The following ASIC2 variants were observed in gnomAD, a reference collection of about 807,000 sequenced individuals.
ASIC2 encodes the protein acid sensing ion channel subunit 2.
Under a neutral mutation model 57.3 loss-of-function variants are expected in ASIC2, and 25 were observed. The observed-to-expected ratio is 0.44, with a 90% CI of 0.32 to 0.61. The LOEUF (loss-of-function observed/expected upper bound fraction) is 0.61. Ranked by LOEUF, ASIC2 falls within the 20% of genes least tolerant of loss-of-function variation. The probability of loss-of-function intolerance (pLI) is 0.06; values close to 1 mark genes in which losing one functional copy is unlikely to be tolerated. For synonymous variants in ASIC2, 319 were observed against 307.5 expected, an observed-to-expected ratio of 1.04 and a Z score of -0.39; for missense variants, 641 against 738.1, an observed-to-expected ratio of 0.87 and a Z score of 1.52.
In ASIC2 at chr17:33,927,579, C is replaced by T. The variant is rs77027219; in HGVS notation, c.555+228399G>A. On this transcript the variant is annotated intron_variant, in intron 1 of 9. Coordinates refer to the ASIC2 transcript ENST00000359872. ...CCTTGATCCTGGGCTTCCCAGCCTT[C>T]GGGACTGTGAGCAATACATTTCTAC... Among the ~76,000 whole-genome samples, 1,006 of 152,284 alleles carry T rather than the reference C, an allele frequency of 6.6e-3. 16 individuals carry two copies. Among genetic ancestry groups the T allele is most frequent in the African/African-American group, 0.022 (926 of 41,544 alleles).
intron 1 of ASIC2, among the ~76,000 whole-genome samples, chr17:34,063,146 C>A (rs1909033016): frequency 6.6e-6 from 1 of 152,180 alleles, no homozygotes; most frequent in South Asian, 2.1e-4. Flanking sequence ...CTGACTCCAA[C>A]AACATACCAA....
chr17:33,158,910 T>G (rs1363150457), intron 1 of ASIC2, among the ~76,000 whole-genome samples: 1 of 152,224 alleles, frequency 6.6e-6, no homozygotes, highest in Non-Finnish European at 1.5e-5. Context: ...GGAATTCATG[T>G]GTTGCTGGAG....
intron 2 of ASIC2, among the ~76,000 whole-genome samples, chr17:33,098,574 T>A (rs2092194284): frequency 6.6e-6 from 1 of 152,184 alleles, no homozygotes; most frequent in African/African-American, 2.4e-5. Flanking sequence ...TTCTTACCAA[T>A]GGCTGGTGAT....
chr17:33,613,633 C>T (rs1905494382), intron 1 of ASIC2, among the ~76,000 whole-genome samples: 1 of 152,276 alleles, frequency 6.6e-6, no homozygotes, highest in South Asian at 2.1e-4. Context: ...TCTCAAAGTG[C>T]TGGGATTACA....
intron 1 of ASIC2, among the ~76,000 whole-genome samples, chr17:33,337,112 A>G (rs536246125): frequency 6.6e-6 from 1 of 152,236 alleles, no homozygotes; most frequent in Non-Finnish European, 1.5e-5. Flanking sequence ...CTTGGAGATA[A>G]GTGGCCCCAG....
At chr17:33,248,619 C>T (rs1360689791) in intron 1 of ASIC2, among the ~76,000 whole-genome samples, 4 of 152,202 alleles carry the variant, frequency 2.6e-5, no homozygotes, top group African/African-American at 9.6e-5. Flanking sequence ...AGCAGGTCCA[C>T]ACACCCTCTG....
intron 1 of ASIC2, among the ~76,000 whole-genome samples, chr17:34,067,383 T>A (rs1002806550): frequency 5.3e-5 from 8 of 152,202 alleles, no homozygotes; most frequent in Admixed American, 1.3e-4. Context: ...CAAATTTTTT[T>A]AAAAATGGAA....
chr17:33,898,319 TC>T (rs1915154518), intron 1 of ASIC2, among the ~76,000 whole-genome samples: 1 of 135,396 alleles, frequency 7.4e-6, no homozygotes, highest in Non-Finnish European at 1.5e-5. Flanking sequence ...CACTGCAACC[TC>T]CGCCTCCCAG....
At chr17:33,547,225 T>C (rs1915606156) in intron 1 of ASIC2, among the ~76,000 whole-genome samples, 1 of 151,924 alleles carries the variant, frequency 6.6e-6, no homozygotes, top group Non-Finnish European at 1.5e-5. Flanking sequence ...GGAAAGGGCC[T>C]GGGTACCTAA....
At chr17:33,102,268 C>T (rs1052835032) in intron 2 of ASIC2, among the ~76,000 whole-genome samples, 4 of 152,202 alleles carry the variant, frequency 2.6e-5, no homozygotes, top group Admixed American at 1.3e-4. Flanking sequence ...GAAAAGAAAG[C>T]GTCCCCCTCC....
chr17:33,870,225 T>G (rs1392268639), intron 1 of ASIC2, among the ~76,000 whole-genome samples: 1 of 15,320 alleles, frequency 6.5e-5, no homozygotes, highest in Non-Finnish European at 1.1e-4. Flanking sequence ...AGAAATTCTG[T>G]TTTTTTTTTT....
intron 3 of ASIC2, among the ~76,000 whole-genome samples, chr17:33,070,841 T>C (rs114793652): frequency 6.6e-6 from 1 of 150,832 alleles, no homozygotes; most frequent in South Asian, 2.1e-4. Flanking sequence ...AGAAGACTTA[T>C]TTTGCTTAAT....
At chr17:33,521,521 GTC>G (rs1208136310) in intron 1 of ASIC2, among the ~76,000 whole-genome samples, 2 of 152,206 alleles carry the variant, frequency 1.3e-5, no homozygotes, top group Admixed American at 6.5e-5. Context: ...CAAGGAGTCA[GTC>G]TCTCCCAGTG....
rs573153896 is a variant in ASIC2, at chr17:33,485,910, A to G, written c.556-373843T>C. ...GACCAGACTTGAGCCTTCCCAGTTC[A>G]TGCTCAGAACTGGCCCTGCTCTGTC... On this transcript the variant is annotated intron_variant, in intron 1 of 9. Coordinates refer to the ASIC2 transcript ENST00000359872. Among the ~76,000 whole-genome samples, 75 of 152,332 alleles carry G rather than the reference A, an allele frequency of 4.9e-4. 1 individual carries two copies. The highest frequency in any genetic ancestry group is 3.4e-3 in the Middle Eastern group (1 of 294).
At chr17:33,395,252 A>G (rs551873174) in intron 1 of ASIC2, among the ~76,000 whole-genome samples, 1 of 151,448 alleles carries the variant, frequency 6.6e-6, no homozygotes, top group Non-Finnish European at 1.5e-5. Flanking sequence ...GTATTAGTCC[A>G]TTTTCACACT....
intron 1 of ASIC2, among the ~76,000 whole-genome samples, chr17:34,089,349 T>C (rs78985622): frequency 0.017 from 2,502 of 147,492 alleles, 71 homozygotes; most frequent in East Asian, 0.059. Flanking sequence ...AAAAATGCAA[T>C]GCCTTGTTAG....
At position 33,855,425 on chromosome 17, in the gene ASIC2, G is replaced by C. The variant is rs74964946; in HGVS notation, c.555+300553C>G. ...TTCCCCAAGTCCCACATAAATTCAG[G>C]TATAGTAATATTATAAACCCCATAT... On this transcript the variant is annotated intron_variant, in intron 1 of 9. Transcript: ENST00000359872. Among the ~76,000 whole-genome samples the C allele has an allele frequency of 7.1e-3, 1,087 of 152,212 alleles. 11 individuals are homozygous for C. The highest frequency in any genetic ancestry group is 0.025 in the African/African-American group (1,030 of 41,518).
intron 1 of ASIC2, among the ~76,000 whole-genome samples, chr17:33,731,953 A>G (rs1164600473): frequency 1.3e-5 from 2 of 152,382 alleles, no homozygotes; most frequent in South Asian, 2.1e-4. Flanking sequence ...ACAGAGCACT[A>G]GAAGGTGACT....
intron 1 of ASIC2, among the ~76,000 whole-genome samples, chr17:33,859,723 C>G (rs1481727408): frequency 6.6e-6 from 1 of 152,152 alleles, no homozygotes; most frequent in Non-Finnish European, 1.5e-5. Context: ...GTCTGCCACC[C>G]AAGCTAGAGT....
Sources: gnomAD v4.1 joint callset for allele counts (sites outside exome capture counted in the v4.1 genomes callset) on GRCh38, gnomAD v4.1.1 for gene constraint, MANE v1.5 for transcripts, NCBI Gene and HGNC (gene_info 2026-07-23, HGNC 2026-07-21) for gene names.